The following CNST variants were observed in gnomAD, a reference collection of about 807,000 sequenced individuals.
The protein encoded by CNST is consortin.
In CNST, 39 loss-of-function variants were observed where a neutral mutation model predicts 72.4. The observed-to-expected ratio is 0.54, with a 90% confidence interval of 0.42 to 0.70. The LOEUF (loss-of-function observed/expected upper bound fraction) is 0.70. Ranked by LOEUF, CNST falls within the 30% of genes least tolerant of loss-of-function variation. The pLI is 0.00. For synonymous variants in CNST, 332 were observed against 320.1 expected (o/e 1.04, Z -0.40); for missense variants, 871 against 868.5 (o/e 1.00, Z -0.04).
chr1:246,622,315 T>C (rs1377062677), intron 3 of CNST, among the ~76,000 whole-genome samples: 1 of 152,204 alleles, frequency 6.6e-6, no homozygotes, highest in Non-Finnish European at 1.5e-5. Flanking sequence ...GCAACGGTTC[T>C]ATCGATAAGT....
At chr1:246,621,095 G>A (rs1200620938) in intron 2 of CNST, among the ~76,000 whole-genome samples, 2 of 152,218 alleles carry the variant, frequency 1.3e-5, no homozygotes, top group African/African-American at 4.8e-5. Flanking sequence ...GTGTATTTCA[G>A]TAGCTGTTAG....
At chr1:246,606,858 C>T (rs1020607947) in intron 2 of CNST, 5 of 152,148 alleles carry the variant, frequency 3.3e-5, no homozygotes, top group South Asian at 4.1e-4. Context: ...CTAAGGTAGC[C>T]GTGAGCAAGC....
intron 10 of CNST, 53 bp downstream of exon 10, chr1:246,660,387 A>G: frequency 6.3e-7 from 1 of 1,575,032 alleles, no homozygotes; most frequent in Non-Finnish European, 8.6e-7. Context: ...GTTTGCTGAA[A>G]GGATGAGTTT....
At chr1:246,569,154 A>G (rs1207947743) in intron 1 of CNST, among the ~76,000 whole-genome samples, 1 of 152,260 alleles carries the variant, frequency 6.6e-6, no homozygotes, top group Non-Finnish European at 1.5e-5. Context: ...AATGCAAGCC[A>G]TATAAGTAAT....
intron 2 of CNST, among the ~76,000 whole-genome samples, chr1:246,602,859 G>A (rs1662387330): frequency 6.6e-6 from 1 of 151,202 alleles, no homozygotes. Flanking sequence ...ATATATGATG[G>A]TACAGACAGC....
intron 2 of CNST, among the ~76,000 whole-genome samples, chr1:246,618,027 G>T (rs995772718): frequency 6.6e-6 from 1 of 152,166 alleles, no homozygotes; most frequent in African/African-American, 2.4e-5. Context: ...CACTATTTGT[G>T]TAGTCACCAG....
chr1:246,662,100 C>T (rs1032036960), intron 10 of CNST, among the ~76,000 whole-genome samples: 11 of 152,194 alleles, frequency 7.2e-5, no homozygotes, highest in Admixed American at 6.5e-5. Flanking sequence ...ATAACATCTG[C>T]CTCTCTGTCC....
intron 9 of CNST, among the ~76,000 whole-genome samples, chr1:246,658,772 G>A (rs1160077268): frequency 3.3e-5 from 5 of 152,220 alleles, no homozygotes; most frequent in South Asian, 4.1e-4. Context: ...TGACATCTTC[G>A]GTGTTAGGCC....
intron 1 of CNST, among the ~76,000 whole-genome samples, chr1:246,572,949 A>G (rs1660156880): frequency 6.6e-6 from 1 of 152,158 alleles, no homozygotes. Context: ...GTTTACTTAA[A>G]TTGGATCTTA....
At chr1:246,602,465 C>T (rs887018052) in intron 2 of CNST, among the ~76,000 whole-genome samples, 1 of 152,122 alleles carries the variant, frequency 6.6e-6, no homozygotes, top group African/African-American at 2.4e-5. Context: ...GGCTTCAGAC[C>T]CTCGCCACAT....
In CNST at chr1:246,641,763, A is replaced by G; in HGVS notation, c.833A>G (p.Lys278Arg). 1 of 1,358,016 alleles carries G rather than the reference A, an allele frequency of 7.4e-7. No homozygotes were observed. Among genetic ancestry groups the G allele is most frequent in the Non-Finnish European group, 1.0e-6 (1 of 958,592 alleles). The allele number at this position is 1,358,016 out of a possible 1,614,324, so 84.1% of individuals were successfully genotyped here. A position where few individuals can be genotyped will look rare whatever the true frequency, so the allele number is the denominator to read the frequency against. Residue 278 changes from lysine (K) to arginine (R), a missense_variant, in exon 7 of 11, where the codon AAA (lysine) becomes AGA (arginine). Lys to Arg is a conservative substitution (Grantham distance 26). Transcript: ENST00000366513. Reference protein sequence around the residue: ...CATHQDPLLSKHKIAAVEKSQ... With the variant: ...CATHQDPLLSRHKIAAVEKSQ... ...TTTTCCTACAGTCCTCTTTTATCCA[A>G]ACATAAGGTAAGAGATTGTTTCTTT...
intron 3 of CNST, among the ~76,000 whole-genome samples, chr1:246,624,151 T>C (rs1664269516): frequency 6.6e-6 from 1 of 152,230 alleles, no homozygotes; most frequent in Non-Finnish European, 1.5e-5. Context: ...CTTTACGAAC[T>C]TGAAGAATGC....
intron 9 of CNST, among the ~76,000 whole-genome samples, chr1:246,652,643 T>G: frequency 6.6e-6 from 1 of 152,186 alleles, no homozygotes. Flanking sequence ...ATTTTTGTTT[T>G]TAGAAATAAT....
intron 2 of CNST, among the ~76,000 whole-genome samples, chr1:246,613,688 C>T (rs1312141328): frequency 1.1e-5 from 1 of 92,644 alleles, no homozygotes; most frequent in Non-Finnish European, 2.2e-5. Context: ...CTCCTCTCTC[C>T]CTCTCTCCCT....
chr1:246,577,014 G>T (rs1048689993), intron 1 of CNST, among the ~76,000 whole-genome samples: 4 of 151,930 alleles, frequency 2.6e-5, no homozygotes, highest in Non-Finnish European at 5.9e-5. Flanking sequence ...TTAAAAATTG[G>T]ATTAGGTTTT....
intron 10 of CNST, among the ~76,000 whole-genome samples, chr1:246,663,657 T>A (rs936740837): frequency 1.3e-5 from 2 of 152,056 alleles, no homozygotes; most frequent in Admixed American, 1.3e-4. Flanking sequence ...GGAGAATTGC[T>A]TGAACCCAGG....
intron 1 of CNST, among the ~76,000 whole-genome samples, chr1:246,567,224 T>C (rs528196520): frequency 6.6e-6 from 1 of 152,334 alleles, no homozygotes; most frequent in South Asian, 2.1e-4. Flanking sequence ...CTTAAAAAGA[T>C]TAAGACTTTA....
chr1:246,589,022 G>A (rs1489788495), intron 1 of CNST, among the ~76,000 whole-genome samples: 2 of 152,066 alleles, frequency 1.3e-5, no homozygotes, highest in Non-Finnish European at 2.9e-5. Context: ...TGTGGTTAGT[G>A]GCTACCATTT....
chr1:246,615,358 G>A (rs1349085416), intron 2 of CNST, among the ~76,000 whole-genome samples: 1 of 151,866 alleles, frequency 6.6e-6, no homozygotes, highest in Non-Finnish European at 1.5e-5. Context: ...TGTATTTTTA[G>A]TAGAGTCGGG....
Sources: allele counts gnomAD v4.1 joint callset (sites outside exome capture counted in the v4.1 genomes callset), GRCh38; gene constraint gnomAD v4.1.1; transcripts MANE v1.5; gene names NCBI Gene and HGNC (gene_info 2026-07-23, HGNC 2026-07-21).